The following MOB4 variants were observed in gnomAD, a reference collection of about 807,000 sequenced individuals.
MOB4 encodes MOB family member 4, phocein, also known as MOB-like protein phocein.
In MOB4, 4 loss-of-function variants were observed where a neutral mutation model predicts 32.2. That is an observed-to-expected ratio of 0.12 (90% CI 0.06 to 0.28). The LOEUF (loss-of-function observed/expected upper bound fraction) is 0.28. Among genes scored for constraint, MOB4 ranks in the 10% least tolerant of loss-of-function variants. The probability of loss-of-function intolerance (pLI) is 1.00; values close to 1 mark genes in which losing one functional copy is unlikely to be tolerated. For missense variants in MOB4, 158 were observed against 271.2 expected (o/e 0.58, Z 2.93); for synonymous variants, 88 against 88.1 (o/e 1.00, Z 0.01).
chr2:197,534,352 A>G (rs549819895), intron 2 of MOB4, among the ~76,000 whole-genome samples: 1 of 152,270 alleles, frequency 6.6e-6, no homozygotes, highest in South Asian at 2.1e-4. Context: ...TTAAATTTTT[A>G]TGTTATTACA....
chr2:197,518,769 T>G (rs2086462227), intron 1 of MOB4, among the ~76,000 whole-genome samples: 1 of 151,996 alleles, frequency 6.6e-6, no homozygotes, highest in South Asian at 2.1e-4. Context: ...TTATTTTATT[T>G]TTTGAGACAA....
At chr2:197,536,642 C>A (rs1574643181) in intron 3 of MOB4, among the ~76,000 whole-genome samples, 3 of 122,738 alleles carry the variant, frequency 2.4e-5, no homozygotes, top group African/African-American at 9.7e-5. Context: ...TGCTCTGTTG[C>A]CTAGGCTGGA....
chr2:197,540,482 TA>T, intron 5 of MOB4, 45 bp downstream of exon 5: 1 of 1,500,040 alleles, frequency 6.7e-7, no homozygotes. Context: ...TATTATAGCC[TA>T]AATCTCTCTC....
intron 1 of MOB4, chr2:197,516,549 G>C: frequency 1.9e-6 from 1 of 526,072 alleles, no homozygotes; most frequent in East Asian, 6.3e-5. Flanking sequence ...GTGGGAGGGG[G>C]TGTAAACACA....
intron 3 of MOB4, among the ~76,000 whole-genome samples, chr2:197,537,585 C>T (rs921420188): frequency 1.1e-4 from 17 of 152,132 alleles, no homozygotes; most frequent in Admixed American, 7.9e-4. Context: ...GCTAAGACTT[C>T]TTTGTATCCT....
rs751597836 is a variant in MOB4 at position 197,517,641 on chromosome 2, C to CT, written c.60+1504dup. 4.7e-3 allele frequency among the ~76,000 whole-genome samples: 712 copies of CT among 150,696 alleles called. 6 individuals are homozygous for CT. Among genetic ancestry groups the CT allele is most frequent in the African/African-American group, 0.016 (651 of 41,072 alleles). ...AGTCACATAGAAGAAAACTTATTGTCTTTTTTTTTCACATTGTCATGGATC... is the reference window on the plus strand; with the variant it reads ...AGTCACATAGAAGAAAACTTATTGTCTTTTTTTTTTCACATTGTCATGGATC... On this transcript the variant is annotated intron_variant, in intron 1 of 7. Coordinates refer to ENST00000323303, the MANE Select transcript of MOB4 (RefSeq NM_015387.5).
rs565049709 is a variant in MOB4 at position 197,540,444 on chromosome 2, A to G, written c.354+7A>G. ...TCATAAAACTCCAAAAGAGGTGAGG[A>G]TTTATGAAATAGAGTAACTAATAAA... On this transcript the variant is annotated splice_region_variant and intron_variant, in intron 5 of 7. Transcript: ENST00000323303. The G allele has an allele frequency of 1.4e-4, 223 of 1,567,432 alleles. 1 individual carries two copies. In the South Asian group the frequency reaches 2.6e-3, roughly 18 times the overall value.
rs1247442712 is a variant in MOB4 at position 197,552,326 on chromosome 2, G to C, written c.*1680G>C. ...AATGGTAATGGTAATTTTTAAACTT[G>C]CTAAATATTGAGAAACTAAACTACT... On this transcript the variant is annotated 3_prime_UTR_variant, in exon 8 of 8. Coordinates refer to ENST00000323303, the MANE Select transcript of MOB4 (RefSeq NM_015387.5). 1 of 152,226 alleles carries C rather than the reference G, an allele frequency of 6.6e-6. No homozygotes were observed. The highest frequency in any genetic ancestry group is 2.4e-5 in the African/African-American group (1 of 41,414). The allele number at this position is 152,226 out of a possible 1,614,324, so 9.4% of individuals were successfully genotyped here.
chr2:197,541,032 C>G lies in MOB4; in HGVS notation c.354+595C>G, dbSNP rs2086887885. Reference sequence around the variant, plus strand: ...TCTCATGCATCAACCTCCCAAGTGGCTGAGATTACAGGCATGCGCTATCAT... The same window carrying G: ...TCTCATGCATCAACCTCCCAAGTGGGTGAGATTACAGGCATGCGCTATCAT... On this transcript the variant is annotated intron_variant, in intron 5 of 7. Coordinates refer to ENST00000323303, the MANE Select transcript of MOB4 (RefSeq NM_015387.5). Among the ~76,000 whole-genome samples, 6 of 151,746 alleles carry G rather than the reference C, an allele frequency of 4.0e-5. No individual in the cohort carries two copies. In the South Asian group the frequency reaches 1.2e-3, roughly 32 times the overall value.
At chr2:197,518,099 C>G (rs1254185302) in intron 1 of MOB4, among the ~76,000 whole-genome samples, 1 of 151,826 alleles carries the variant, frequency 6.6e-6, no homozygotes, top group Non-Finnish European at 1.5e-5. Context: ...CGGAATCGCG[C>G]CATTGCACTC....
intron 5 of MOB4, among the ~76,000 whole-genome samples, chr2:197,543,833 G>C (rs2086941765): frequency 1.3e-5 from 2 of 152,046 alleles, no homozygotes; most frequent in African/African-American, 4.8e-5. Context: ...CCGCTTCCCA[G>C]GTTCAGGCGA....
chr2:197,515,955 G>T, upstream of MOB4: 3 of 925,678 alleles, frequency 3.2e-6, no homozygotes, highest in South Asian at 1.6e-5. Context: ...GACGGCTCCC[G>T]GCGCAGGCTG....
At position 197,535,700 on chromosome 2, in the gene MOB4, A is replaced by G; in HGVS notation, c.224+70A>G. 2.0e-6 allele frequency: 3 copies of G among 1,522,176 alleles called. No individual in the cohort carries two copies. The Admixed American group carries it at 6.7e-5, about 34-fold the overall frequency. 94.3% of individuals were successfully genotyped at this position (1,522,176 alleles called of 1,614,324 possible). On this transcript the variant is annotated intron_variant, in intron 3 of 7. Transcript: ENST00000323303. Reference sequence around the variant, plus strand: ...AGCTTTCATATTAATGATAATTATGAATTGTAAAATTTACTATGTAACTGC... The same window carrying G: ...AGCTTTCATATTAATGATAATTATGGATTGTAAAATTTACTATGTAACTGC...
chr2:197,540,398 A>T lies in MOB4; in HGVS notation c.315A>T (p.Gln105His). The stretch of plus-strand genomic sequence containing the variant: ...GCACTCAAATGACAGCAACTGAACA[A>T]TGGATTTTTCTTTGTGCAGCTCATA... ...DTCTQMTATE[Q>H]WIFLCAAHKT... Residue 105 changes from glutamine (Q) to histidine (H), a missense_variant, in exon 5 of 8, where the codon CAA becomes CAT. This residue lies in a region of MOB4 where 22 missense variants were observed against 61.2 expected (regional missense o/e 0.36). Transcript: ENST00000323303. 1.3e-6 allele frequency: 2 copies of T among 1,594,464 alleles called. No individual in the cohort carries two copies. The highest frequency in any genetic ancestry group is 1.7e-6 in the Non-Finnish European group (2 of 1,173,258).
At position 197,542,142 on chromosome 2, in the gene MOB4, C is replaced by A. The variant is rs560911380; in HGVS notation, c.354+1705C>A. ...TCTTTCTTTAGAGTGGAAGTGATATCCAGTTTGTGATGTGTTATGACTCTT... is the reference window on the plus strand; with the variant it reads ...TCTTTCTTTAGAGTGGAAGTGATATACAGTTTGTGATGTGTTATGACTCTT... On this transcript the variant is annotated intron_variant, in intron 5 of 7. Transcript: ENST00000323303. Among the ~76,000 whole-genome samples, 7 of 152,256 alleles carry A rather than the reference C, an allele frequency of 4.6e-5. No homozygotes were observed. In the South Asian group the frequency reaches 1.5e-3, roughly 32 times the overall value.
rs188761499 is a variant in MOB4, at chr2:197,528,894, G to A, written c.123+5208G>A. On this transcript the variant is annotated intron_variant, in intron 2 of 7. Coordinates refer to ENST00000323303, the MANE Select transcript of MOB4 (RefSeq NM_015387.5). The stretch of plus-strand genomic sequence containing the variant: ...GGCTTCCCAAAGTGCTGGGATTACA[G>A]GCGTGAGCCACCGCGCCTGGCCTCC... Among the ~76,000 whole-genome samples the A allele has an allele frequency of 4.9e-3, 751 of 152,068 alleles. 16 individuals carry two copies. The highest frequency in any genetic ancestry group is 0.037 in the Admixed American group (562 of 15,270).
intron 2 of MOB4, among the ~76,000 whole-genome samples, chr2:197,532,695 A>AT (rs1008032422): frequency 4.0e-5 from 6 of 151,896 alleles, no homozygotes; most frequent in African/African-American, 1.2e-4. Context: ...CAAAAAAAAA[A>AT]TAAGTAAATA....
intron 1 of MOB4, among the ~76,000 whole-genome samples, chr2:197,517,888 C>T (rs2086443313): frequency 6.6e-6 from 1 of 152,078 alleles, no homozygotes; most frequent in South Asian, 2.1e-4. Context: ...GCCTGTAATC[C>T]CAGCACTTTG....
intron 2 of MOB4, among the ~76,000 whole-genome samples, chr2:197,524,060 C>G (rs2086566758): frequency 6.6e-6 from 1 of 152,154 alleles, no homozygotes; most frequent in Non-Finnish European, 1.5e-5. Flanking sequence ...AGCGACATAA[C>G]AAGACCCTGT....
Sources: gnomAD v4.1 joint callset for allele counts (sites outside exome capture counted in the v4.1 genomes callset) on GRCh38, gnomAD v4.1.1 for gene constraint, gnomAD v4.1.1 regional missense constraint, MANE v1.5 for transcripts, NCBI Gene and HGNC (gene_info 2026-07-23, HGNC 2026-07-21) for gene names.